Variants in CDC14B observed in about 807,000 individuals in gnomAD.
CDC14B encodes the protein dual specificity protein phosphatase CDC14B.
In CDC14B, 22 loss-of-function variants were observed where a neutral mutation model predicts 64.2. The observed-to-expected ratio is 0.34, with a 90% CI of 0.24 to 0.49. The LOEUF is 0.49. Ranked by LOEUF, CDC14B falls within the 20% of genes least tolerant of loss-of-function variation. The pLI, the probability that CDC14B is intolerant of heterozygous loss-of-function variation, is 0.99. For missense variants in CDC14B, 498 were observed against 629.9 expected, an observed-to-expected ratio of 0.79 and a Z score of 2.24; for synonymous variants, 191 against 215.8, an observed-to-expected ratio of 0.89 and a Z score of 1.01.
chr9:96,535,376 G>A (rs1451326739), intron 7 of CDC14B, among the ~76,000 whole-genome samples: 2 of 152,086 alleles, frequency 1.3e-5, no homozygotes, highest in African/African-American at 2.4e-5. Flanking sequence ...AAAATTACAA[G>A]TATACCAAGA....
At chr9:96,576,598 A>G (rs141562552) in intron 1 of CDC14B, among the ~76,000 whole-genome samples, 2 of 145,258 alleles carry the variant, frequency 1.4e-5, no homozygotes, top group African/African-American at 5.1e-5. Flanking sequence ...AAGCCACTGC[A>G]CTCCAGCCAG....
chr9:96,519,091 G>C (rs551880189), intron 12 of CDC14B, among the ~76,000 whole-genome samples: 4 of 151,774 alleles, frequency 2.6e-5, no homozygotes, highest in Non-Finnish European at 5.9e-5. Flanking sequence ...AGCCGAGATC[G>C]CACCACTTTA....
rs1284463283 is a variant in CDC14B at position 96,612,283 on chromosome 9, C to G, written c.160+6936G>C. On this transcript the variant is annotated intron_variant, in intron 1 of 13. Transcript: ENST00000375241. ...GTGCTGATTCACTGAACCTTTTGTGCAAGTACACGGGAATGTTTGCTTCTT... is the reference window on the plus strand; with the variant it reads ...GTGCTGATTCACTGAACCTTTTGTGGAAGTACACGGGAATGTTTGCTTCTT... Among the ~76,000 whole-genome samples, 5 of 152,194 alleles carry G rather than the reference C, an allele frequency of 3.3e-5. No individual in the cohort carries two copies. In the East Asian group the frequency reaches 9.6e-4, roughly 29 times the overall value.
intron 11 of CDC14B, among the ~76,000 whole-genome samples, chr9:96,522,911 C>T (rs1836965605): frequency 6.6e-6 from 1 of 152,122 alleles, no homozygotes; most frequent in South Asian, 2.1e-4. Context: ...GTACTGCTAC[C>T]CCCTAAGCCT....
At chr9:96,576,079 C>T (rs535089233) in intron 1 of CDC14B, among the ~76,000 whole-genome samples, 3 of 151,868 alleles carry the variant, frequency 2.0e-5, no homozygotes, top group Non-Finnish European at 4.4e-5. Flanking sequence ...AGTTTGAGAC[C>T]AGCCTGGCCA....
intron 1 of CDC14B, among the ~76,000 whole-genome samples, chr9:96,608,354 G>C (rs1847106406): frequency 6.6e-6 from 1 of 152,164 alleles, no homozygotes; most frequent in African/African-American, 2.4e-5. Context: ...TTGTCAGAAA[G>C]AAAAGAGATG....
chr9:96,576,104 C>G (rs902045641), intron 1 of CDC14B, among the ~76,000 whole-genome samples: 1 of 151,050 alleles, frequency 6.6e-6, no homozygotes, highest in African/African-American at 2.4e-5. Context: ...GGTGAAACCT[C>G]GTCTAAATAC....
chr9:96,602,637 C>T (rs1454262214), intron 1 of CDC14B, among the ~76,000 whole-genome samples: 1 of 152,104 alleles, frequency 6.6e-6, no homozygotes, highest in Non-Finnish European at 1.5e-5. Context: ...ACAGGAAAGA[C>T]CTGCCCCCAT....
At chr9:96,578,007 T>C (rs980190289) in intron 1 of CDC14B, among the ~76,000 whole-genome samples, 1 of 151,988 alleles carries the variant, frequency 6.6e-6, no homozygotes, top group Admixed American at 6.6e-5. Flanking sequence ...ACAGAGTAAA[T>C]ACAGCATGAT....
chr9:96,509,853 G>A, intron 12 of CDC14B, 64 bp from the exon 13 acceptor site: 2 of 1,038,796 alleles, frequency 1.9e-6, no homozygotes, highest in Non-Finnish European at 2.9e-6. Context: ...ACTTGACAGA[G>A]GAAAGTATTT....
chr9:96,495,392 C>A (rs1195723213), downstream of CDC14B, among the ~76,000 whole-genome samples: 1 of 80,656 alleles, frequency 1.2e-5, no homozygotes, highest in Non-Finnish European at 2.6e-5. Flanking sequence ...ATGTGTGCTG[C>A]CCCCCCCCGC....
intron 12 of CDC14B, among the ~76,000 whole-genome samples, chr9:96,510,811 G>A (rs533535359): frequency 6.6e-6 from 1 of 152,112 alleles, no homozygotes; most frequent in African/African-American, 2.4e-5. Context: ...TTGCCATGTT[G>A]GCCAAGCTGG....
intron 5 of CDC14B, among the ~76,000 whole-genome samples, chr9:96,543,590 TC>T (rs1442761895): frequency 6.6e-6 from 1 of 152,236 alleles, no homozygotes; most frequent in African/African-American, 2.4e-5. Context: ...CAGTAAATCT[TC>T]CTATACAAAT....
rs1219663722 is a variant in CDC14B at position 96,607,452 on chromosome 9, GCT to G, written c.160+11765_160+11766del. On this transcript the variant is annotated intron_variant, in intron 1 of 13. Transcript: ENST00000375241. ...TTTTTTTTTTTTAAGATAGAGTCTC[GCT>G]CTGTCGCCCAGGCTGGAGTGCAGTG... Among the ~76,000 whole-genome samples the G allele has an allele frequency of 8.3e-5, 10 of 120,886 alleles. 1 individual carries two copies. The highest frequency in any genetic ancestry group is 0.014 in the Middle Eastern group (2 of 140). The allele number at this position is 120,886 out of a possible 152,430, so 79.3% of individuals were successfully genotyped here. A position where few individuals can be genotyped will look rare whatever the true frequency, so the allele number is the denominator to read the frequency against.
At chr9:96,607,207 G>A (rs900468596) in intron 1 of CDC14B, among the ~76,000 whole-genome samples, 2 of 151,818 alleles carry the variant, frequency 1.3e-5, no homozygotes, top group Non-Finnish European at 2.9e-5. Context: ...TATTAGCACT[G>A]TGGCAGGAAA....
chr9:96,550,783 T>C (rs145029421), intron 5 of CDC14B, among the ~76,000 whole-genome samples: 1 of 152,310 alleles, frequency 6.6e-6, no homozygotes, highest in East Asian at 1.9e-4. Context: ...GAACTTGATT[T>C]AAGCACTAGT....
intron 1 of CDC14B, chr9:96,566,763 C>G: frequency 3.1e-6 from 5 of 1,605,344 alleles, no homozygotes; most frequent in Non-Finnish European, 4.2e-6. Context: ...GCCCTCCCGG[C>G]TCACCTTTGA....
At chr9:96,522,436 A>G in intron 12 of CDC14B, 70 bp downstream of exon 12, 1 of 1,008,428 alleles carries the variant, frequency 9.9e-7, no homozygotes, top group African/African-American at 1.6e-5. Flanking sequence ...AATGTACAGG[A>G]AAAACCCTCA....
intron 12 of CDC14B, among the ~76,000 whole-genome samples, chr9:96,518,178 T>G (rs1372436540): frequency 1.3e-5 from 2 of 152,214 alleles, no homozygotes; most frequent in Non-Finnish European, 2.9e-5. Flanking sequence ...TGATTTGGCT[T>G]ATCATGTCAT....
Sources: gnomAD v4.1 joint callset for allele counts (sites outside exome capture counted in the v4.1 genomes callset) on GRCh38, gnomAD v4.1.1 for gene constraint, MANE v1.5 for transcripts, NCBI Gene and HGNC (gene_info 2026-07-23, HGNC 2026-07-21) for gene names.